Variants in NAALADL2 observed in about 807,000 individuals in gnomAD.
The protein encoded by NAALADL2 is inactive N-acetylated-alpha-linked acidic dipeptidase-like protein 2.
A neutral mutation model predicts 87.2 loss-of-function variants in NAALADL2; 76 were observed. The ratio of observed to expected loss-of-function variants is 0.87; its 90% CI spans 0.72 to 1.05. The LOEUF is 1.05. Ranked by LOEUF, NAALADL2 falls within the 50% of genes least tolerant of loss-of-function variation. The pLI is 0.00. For synonymous variants in NAALADL2, 354 were observed against 331.0 expected (o/e 1.07, Z -0.75); for missense variants, 1,089 against 945.8 (o/e 1.15, Z -1.99).
In NAALADL2 at chr3:175,362,204, C is replaced by A. The variant is rs1765100474; in HGVS notation, c.1090+37879C>A. 1.4e-5 allele frequency among the ~76,000 whole-genome samples: 2 copies of A among 147,974 alleles called. 1 individual carries two copies. Among genetic ancestry groups the A allele is most frequent in the Non-Finnish European group, 3.0e-5 (2 of 66,592 alleles). On this transcript the variant is annotated intron_variant, in intron 5 of 13. Coordinates refer to ENST00000454872, the MANE Select transcript of NAALADL2 (RefSeq NM_207015.3). ...ATGTGTGGTATTATTTCTGAGGGCT[C>A]TGTTCTGTTCCATTGGTCTATATCT...
intron 1 of NAALADL2, 21 bp downstream of exon 1, chr3:174,859,471 AACTTTTC>A: frequency 6.3e-7 from 1 of 1,599,698 alleles, no homozygotes; most frequent in Non-Finnish European, 8.6e-7. Flanking sequence ...ACAGCCTATG[AACTTTTC>A]ACTTTTCACA....
intron 1 of NAALADL2, among the ~76,000 whole-genome samples, chr3:174,442,253 A>G (rs1367259210): frequency 6.6e-6 from 1 of 152,158 alleles, no homozygotes; most frequent in Non-Finnish European, 1.5e-5. Context: ...GAAAAGCTTA[A>G]AAGGAAGAGT....
intron 10 of NAALADL2, among the ~76,000 whole-genome samples, chr3:175,618,652 G>A (rs1582647306): frequency 1.3e-5 from 2 of 152,190 alleles, no homozygotes; most frequent in South Asian, 4.1e-4. Flanking sequence ...TCCTCCTTTT[G>A]GAGTGACACA....
chr3:174,850,671 G>A (rs927744160), intron 3 of NAALADL2, among the ~76,000 whole-genome samples: 10 of 152,056 alleles, frequency 6.6e-5, no homozygotes, highest in African/African-American at 2.4e-4. Flanking sequence ...TAATAGCTGT[G>A]GACTTCAACA....
intron 10 of NAALADL2, among the ~76,000 whole-genome samples, chr3:175,578,997 C>A (rs1471674259): frequency 6.6e-6 from 1 of 152,194 alleles, no homozygotes; most frequent in Admixed American, 6.5e-5. Flanking sequence ...CTTATAGTAT[C>A]TGTGTGGCCC....
chr3:175,734,814 C>T (rs1166123616), intron 11 of NAALADL2, among the ~76,000 whole-genome samples: 1 of 152,206 alleles, frequency 6.6e-6, no homozygotes, highest in Admixed American at 6.5e-5. Context: ...TCCCAAACCT[C>T]CAGGCTTGTG....
chr3:175,415,286 TA>T (rs1036140567), intron 5 of NAALADL2, among the ~76,000 whole-genome samples: 23 of 151,686 alleles, frequency 1.5e-4, no homozygotes, highest in East Asian at 9.7e-4. Context: ...GATGAGCTTT[TA>T]AAAAAAAATT....
At chr3:175,349,814 A>G (rs576851588) in intron 5 of NAALADL2, among the ~76,000 whole-genome samples, 1 of 152,264 alleles carries the variant, frequency 6.6e-6, no homozygotes, top group African/African-American at 2.4e-5. Flanking sequence ...TGCTGAAATC[A>G]AGGCCGATGA....
chr3:175,560,412 G>T (rs1038858870), intron 9 of NAALADL2, among the ~76,000 whole-genome samples: 6 of 151,458 alleles, frequency 4.0e-5, no homozygotes, highest in Non-Finnish European at 8.8e-5. Context: ...TTTTTGTCTT[G>T]TTTTCATTTT....
At chr3:174,786,209 G>C (rs974839617) in intron 3 of NAALADL2, among the ~76,000 whole-genome samples, 5 of 152,072 alleles carry the variant, frequency 3.3e-5, no homozygotes, top group African/African-American at 1.2e-4. Context: ...ACAGCACTTT[G>C]GTAGGCCAAG....
intron 4 of NAALADL2, among the ~76,000 whole-genome samples, chr3:175,315,837 C>T (rs1211645743): frequency 1.3e-5 from 2 of 151,954 alleles, no homozygotes; most frequent in Non-Finnish European, 2.9e-5. Flanking sequence ...CTATATATTC[C>T]CATAAACCAC....
chr3:174,476,428 T>C (rs10936796), intron 1 of NAALADL2, among the ~76,000 whole-genome samples: 40,834 of 151,858 alleles, frequency 0.27, 5,943 homozygotes, highest in South Asian at 0.45. Flanking sequence ...TGTTTTACTC[T>C]TCTCGTTTTC....
intron 1 of NAALADL2, among the ~76,000 whole-genome samples, chr3:174,910,384 A>G (rs1206083635): frequency 6.6e-6 from 1 of 152,102 alleles, no homozygotes; most frequent in Non-Finnish European, 1.5e-5. Flanking sequence ...TCCACTCAAC[A>G]TTATTTAATA....
intron 1 of NAALADL2, among the ~76,000 whole-genome samples, chr3:174,893,632 T>C (rs766831090): frequency 6.6e-6 from 1 of 152,218 alleles, no homozygotes; most frequent in Non-Finnish European, 1.5e-5. Context: ...TAGTGTTAGA[T>C]TGTTATCAGG....
In NAALADL2 at chr3:174,667,545, G is replaced by GTTTT. The variant is rs71162402; in HGVS notation, c.-114-70082_-114-70079dup. Among the ~76,000 whole-genome samples, 36 of 123,768 alleles carry GTTTT rather than the reference G, an allele frequency of 2.9e-4. 4 individuals are homozygous for GTTTT. The highest frequency in any genetic ancestry group is 5.6e-4 in the African/African-American group (19 of 33,686). 81.2% of individuals were successfully genotyped at this position (123,768 alleles called of 152,430 possible). ...CTGAAAACTCTCCAGATGGGAGAGAGTTTTTTTTTTTTTTTTTATAGCAAG... is the reference window on the plus strand; with the variant it reads ...CTGAAAACTCTCCAGATGGGAGAGAGTTTTTTTTTTTTTTTTTTTTTATAGCAAG... On this transcript the variant is annotated intron_variant, in intron 2 of 3. Transcript: ENST00000434257.
chr3:174,578,647 A>C (rs1715811142), intron 2 of NAALADL2, among the ~76,000 whole-genome samples: 1 of 151,974 alleles, frequency 6.6e-6, no homozygotes, highest in African/African-American at 2.4e-5. Context: ...GGAAATTGAC[A>C]ACAGATGGTA....
chr3:174,858,523 A>G (rs1480464287), upstream of NAALADL2, among the ~76,000 whole-genome samples: 1 of 152,040 alleles, frequency 6.6e-6, no homozygotes, highest in African/African-American at 2.4e-5. Flanking sequence ...CCTTTTACAA[A>G]TGAGGACCTT....
intron 11 of NAALADL2, among the ~76,000 whole-genome samples, chr3:175,683,507 T>C (rs1002040458): frequency 3.3e-5 from 5 of 151,982 alleles, no homozygotes; most frequent in Non-Finnish European, 5.9e-5. Flanking sequence ...TATATATGTA[T>C]TTAAGGTAAA....
intron 11 of NAALADL2, among the ~76,000 whole-genome samples, chr3:175,665,057 A>T (rs954730561): frequency 6.6e-6 from 1 of 152,204 alleles, no homozygotes; most frequent in African/African-American, 2.4e-5. Flanking sequence ...CAAGGAGAGT[A>T]ATTTGCCCAA....
Sources: gnomAD v4.1 joint callset for allele counts (sites outside exome capture counted in the v4.1 genomes callset) on GRCh38, gnomAD v4.1.1 for gene constraint, MANE v1.5 for transcripts, NCBI Gene and HGNC (gene_info 2026-07-23, HGNC 2026-07-21) for gene names.